The following HEATR4 variants were observed in gnomAD, a reference collection of about 807,000 sequenced individuals.
HEATR4 encodes HEAT repeat-containing protein 4.
HEATR4 carries 95 observed loss-of-function variants against 108.8 expected under a neutral mutation model. The observed-to-expected ratio is 0.87, with a 90% CI of 0.74 to 1.04. HEATR4 has a LOEUF of 1.04. Among genes scored for constraint, HEATR4 ranks in the 50% least tolerant of loss-of-function variants. The pLI is 0.00. For missense variants in HEATR4, 1,152 were observed against 1,253.8 expected, an observed-to-expected ratio of 0.92 and a Z score of 1.23; for synonymous variants, 443 against 459.4, an observed-to-expected ratio of 0.96 and a Z score of 0.46.
At position 73,542,473 on chromosome 14, in the gene HEATR4, C is replaced by T. The variant is rs140094722; in HGVS notation, c.-151-12229G>A. Among the ~76,000 whole-genome samples, 694 of 96,598 alleles carry T rather than the reference C, an allele frequency of 7.2e-3. 166 individuals are homozygous for T. Among genetic ancestry groups the T allele is most frequent in the African/African-American group, 0.023 (643 of 27,796 alleles). The allele number at this position is 96,598 out of a possible 152,430, so 63.4% of individuals were successfully genotyped here. On this transcript the variant is annotated intron_variant, in intron 1 of 17. Coordinates refer to ENST00000553558, the MANE Select transcript of HEATR4 (RefSeq NM_001220484.1). ...AGGCTGGAGTGCAGTGGCATGATCT[C>T]GGCTTACTGCAACCTCCACCTCCCA...
At chr14:73,519,206 T>C in intron 4 of HEATR4, 43 bp from the exon 5 acceptor site, 1 of 1,566,050 alleles carries the variant, frequency 6.4e-7, no homozygotes, top group Non-Finnish European at 8.7e-7. Flanking sequence ...ATAACCTCCC[T>C]ATTTCCTTTC....
At chr14:73,593,738 G>T in the HEATR4 span, 29 of 1,613,342 alleles carry the variant, frequency 1.8e-5, no homozygotes, top group Admixed American at 4.7e-4. Context: ...GACATCTTTG[G>T]TATTGGAGGG....
chr14:73,582,476 CAGTG>C, the HEATR4 span: 1 of 151,498 alleles, frequency 6.6e-6, no homozygotes, highest in Non-Finnish European at 1.5e-5. Context: ...ACAGTCAACA[CAGTG>C]AGCCTCAGCA....
chr14:73,532,069 G>A lies in HEATR4; in HGVS notation c.-151-1825C>T, dbSNP rs1162285229. On this transcript the variant is annotated intron_variant, in intron 1 of 17. Transcript: ENST00000553558. ...ATAAAAAAACCCTCTAGATGTATGC[G>A]GCTCCATATTCTCCCACCACAAGGG... Among the ~76,000 whole-genome samples the A allele has an allele frequency of 7.9e-5, 9 of 114,588 alleles. 3 individuals are homozygous for A. The highest frequency in any genetic ancestry group is 1.1e-4 in the Non-Finnish European group (6 of 52,618). 75.2% of individuals were successfully genotyped at this position (114,588 alleles called of 152,430 possible). A position where few individuals can be genotyped will look rare whatever the true frequency, so the allele number is the denominator to read the frequency against.
At chr14:73,578,140 C>T in the HEATR4 span, among the ~76,000 whole-genome samples, 6 of 151,874 alleles carry the variant, frequency 4.0e-5, no homozygotes, top group East Asian at 1.9e-4. Context: ...CGTGAGCCAC[C>T]GCCCCTGGCA....
the HEATR4 span, among the ~76,000 whole-genome samples, chr14:73,570,720 C>G: frequency 1.3e-5 from 2 of 151,974 alleles, no homozygotes; most frequent in East Asian, 3.9e-4. Context: ...GCCTGGCCAA[C>G]ATGGTGAAAC....
chr14:73,564,130 C>T, the HEATR4 span, among the ~76,000 whole-genome samples: 9 of 151,584 alleles, frequency 5.9e-5, no homozygotes, highest in East Asian at 1.9e-4. Flanking sequence ...GAAACCCCGT[C>T]GTACTAAATA....
chr14:73,619,543 A>G, the HEATR4 span: 3 of 1,614,248 alleles, frequency 1.9e-6, no homozygotes, highest in Non-Finnish European at 2.5e-6. Flanking sequence ...TATTGTTGGC[A>G]TGGATGATCA....
At chr14:73,622,898 G>GT in the HEATR4 span, among the ~76,000 whole-genome samples, 18 of 151,780 alleles carry the variant, frequency 1.2e-4, no homozygotes, top group African/African-American at 1.7e-4. Flanking sequence ...TTTTATAGTG[G>GT]TTTTTTTGTT....
chr14:73,501,648 A>G (rs973638850), intron 11 of HEATR4, among the ~76,000 whole-genome samples: 2 of 142,508 alleles, frequency 1.4e-5, no homozygotes, highest in Middle Eastern at 4.1e-3. Flanking sequence ...ATGATGGCTC[A>G]TGACAGCTTT....
intron 15 of HEATR4, among the ~76,000 whole-genome samples, chr14:73,495,627 G>A (rs1886070198): frequency 6.6e-6 from 1 of 152,046 alleles, no homozygotes; most frequent in Non-Finnish European, 1.5e-5. Flanking sequence ...ATCAGTAGTA[G>A]GTGGTACATA....
chr14:73,499,085 G>C lies in HEATR4; in HGVS notation c.2342C>G (p.Ala781Gly), dbSNP rs756248510. Residue 781 changes from alanine (A) to glycine (G), a missense_variant, in exon 13 of 18, where the codon GCC (alanine) becomes GGC (glycine). Coordinates refer to ENST00000553558, the MANE Select transcript of HEATR4 (RefSeq NM_001220484.1). ...TTCTATAATACCTCGAATGGCAAAGGCCTTGATTTTCCAGTAAGGATCTCT... is the reference window on the plus strand; with the variant it reads ...TTCTATAATACCTCGAATGGCAAAGCCCTTGATTTTCCAGTAAGGATCTCT... ...MQRDPYWKIK[A>G]FAIRALGQIG... 1.2e-6 allele frequency: 2 copies of C among 1,614,038 alleles called. No individual in the cohort carries two copies. Among genetic ancestry groups the C allele is most frequent in the Non-Finnish European group, 1.7e-6 (2 of 1,179,906 alleles).
the HEATR4 span, among the ~76,000 whole-genome samples, chr14:73,588,947 T>C: frequency 1.5e-4 from 23 of 152,294 alleles, no homozygotes; most frequent in African/African-American, 5.5e-4. Context: ...TTCAGGTTCA[T>C]AGCAAAATTG....
intron 17 of HEATR4, among the ~76,000 whole-genome samples, chr14:73,484,103 T>C (rs889400117): frequency 1.3e-5 from 2 of 151,944 alleles, no homozygotes; most frequent in Non-Finnish European, 2.9e-5. Context: ...GTGATCCACT[T>C]GCCTCTGCCT....
chr14:73,613,114 T>C, the HEATR4 span: 10 of 511,004 alleles, frequency 2.0e-5, no homozygotes, highest in Non-Finnish European at 3.0e-5. Flanking sequence ...TTGTGGAACA[T>C]CCCTGAACTT....
chr14:73,500,862 G>C (rs1029493691), intron 11 of HEATR4, 132 bp from the exon 12 acceptor site: 3 of 761,882 alleles, frequency 3.9e-6, no homozygotes, highest in Non-Finnish European at 4.2e-6. Flanking sequence ...ATGCTCATGA[G>C]ATAAGTTTTA....
At chr14:73,616,819 C>T in the HEATR4 span, 1 of 539,714 alleles carries the variant, frequency 1.9e-6, no homozygotes, top group Non-Finnish European at 3.3e-6. Context: ...ATACATTGTA[C>T]CCAATATGTA....
intron 17 of HEATR4, 51 bp downstream of exon 17, chr14:73,493,015 T>TC (rs1555388540): frequency 4.0e-5 from 63 of 1,572,440 alleles, no homozygotes; most frequent in Non-Finnish European, 4.0e-5. Context: ...TTTTTTTTTT[T>TC]CCTTAAACTC....
chr14:73,578,434 G>T, the HEATR4 span, among the ~76,000 whole-genome samples: 1 of 151,852 alleles, frequency 6.6e-6, no homozygotes, highest in African/African-American at 2.4e-5. Context: ...TCACCATGTT[G>T]CCCAGGCTGG....
Sources: allele counts gnomAD v4.1 joint callset (sites outside exome capture counted in the v4.1 genomes callset), GRCh38; gene constraint gnomAD v4.1.1; transcripts MANE v1.5; gene names NCBI Gene and HGNC (gene_info 2026-07-23, HGNC 2026-07-21).